PTPRR: variants seen among roughly 807,000 people sequenced by gnomAD.
PTPRR encodes protein tyrosine phosphatase receptor type R, also known as receptor-type tyrosine-protein phosphatase R.
Under a neutral mutation model 77.2 loss-of-function variants are expected in PTPRR, and 38 were observed. The observed-to-expected ratio is 0.49, with a 90% confidence interval of 0.38 to 0.65. PTPRR has a LOEUF of 0.65. Ranked by LOEUF, PTPRR falls within the 30% of genes least tolerant of loss-of-function variation. The pLI, the probability that PTPRR is intolerant of heterozygous loss-of-function variation, is 0.00. For synonymous variants in PTPRR, 299 were observed against 283.1 expected, an observed-to-expected ratio of 1.06 and a Z score of -0.57; for missense variants, 744 against 799.2, an observed-to-expected ratio of 0.93 and a Z score of 0.83.
At chr12:70,818,927 G>C (rs1424808224) in intron 2 of PTPRR, among the ~76,000 whole-genome samples, 1 of 152,046 alleles carries the variant, frequency 6.6e-6, no homozygotes, top group Non-Finnish European at 1.5e-5. Context: ...CTTGTAATTT[G>C]ATTAAATTCT....
At chr12:70,898,068 G>T (rs1246260505) in intron 1 of PTPRR, among the ~76,000 whole-genome samples, 1 of 151,576 alleles carries the variant, frequency 6.6e-6, no homozygotes, top group Non-Finnish European at 1.5e-5. Flanking sequence ...CTAGTTAATG[G>T]GTGCAGCACA....
intron 2 of PTPRR, among the ~76,000 whole-genome samples, chr12:70,801,075 G>A (rs937678018): frequency 5.9e-5 from 9 of 152,116 alleles, no homozygotes; most frequent in Admixed American, 5.9e-4. Context: ...ATAGTAGAAT[G>A]AGAGTTAAAT....
rs545825132 is a variant in PTPRR at position 70,766,177 on chromosome 12, G to A, written c.358-1399C>T. Among the ~76,000 whole-genome samples, 15 of 152,336 alleles carry A rather than the reference G, an allele frequency of 9.8e-5. No homozygotes were observed. The East Asian group carries it at 2.9e-3, about 29-fold the overall frequency. ...AAGCTGGACAGAGAATGACTTTGAC[G>A]AGTTGAGAGAAGAAGGCTTCAGACA... On this transcript the variant is annotated intron_variant, in intron 2 of 13. Coordinates refer to ENST00000283228, the MANE Select transcript of PTPRR (RefSeq NM_002849.4).
chr12:70,904,623 A>C (rs1893592826), intron 1 of PTPRR, among the ~76,000 whole-genome samples: 2 of 151,904 alleles, frequency 1.3e-5, no homozygotes, highest in Non-Finnish European at 2.9e-5. Flanking sequence ...TGATGACATG[A>C]ATCTATACAT....
At chr12:70,737,553 C>T (rs966460292) in intron 6 of PTPRR, among the ~76,000 whole-genome samples, 1 of 151,008 alleles carries the variant, frequency 6.6e-6, no homozygotes, top group Admixed American at 6.6e-5. Flanking sequence ...CAAAGTCTCG[C>T]TGTTTTGCCC....
chr12:70,884,332 G>A (rs1893199581), intron 2 of PTPRR, among the ~76,000 whole-genome samples: 2 of 152,018 alleles, frequency 1.3e-5, no homozygotes. Flanking sequence ...ATAGTAACAA[G>A]ATAGTAAGCA....
intron 10 of PTPRR, among the ~76,000 whole-genome samples, chr12:70,671,359 T>TG (rs1328995801): frequency 3.2e-4 from 48 of 152,280 alleles, no homozygotes; most frequent in African/African-American, 1.2e-3. Flanking sequence ...TTTGGGATTA[T>TG]GACTGGCTGT....
chr12:70,765,546 G>A (rs905102114), intron 2 of PTPRR, among the ~76,000 whole-genome samples: 1 of 152,198 alleles, frequency 6.6e-6, no homozygotes, highest in Non-Finnish European at 1.5e-5. Flanking sequence ...GCTCAAGGAG[G>A]CCTGCCTGCC....
At chr12:70,688,750 A>G (rs1358678993) in intron 8 of PTPRR, among the ~76,000 whole-genome samples, 1 of 152,216 alleles carries the variant, frequency 6.6e-6, no homozygotes, top group Non-Finnish European at 1.5e-5. Flanking sequence ...ATGTTCTTGC[A>G]GCACTATTTA....
chr12:70,907,751 G>A (rs1893643290), intron 1 of PTPRR, among the ~76,000 whole-genome samples: 2 of 152,148 alleles, frequency 1.3e-5, no homozygotes, highest in East Asian at 1.9e-4. Context: ...TGCCAGCTGA[G>A]GTATAGCAAT....
intron 2 of PTPRR, among the ~76,000 whole-genome samples, chr12:70,891,217 G>A (rs1893330311): frequency 1.3e-5 from 2 of 152,050 alleles, no homozygotes; most frequent in Non-Finnish European, 2.9e-5. Flanking sequence ...TTCCTCATTG[G>A]TGCCTTTTAT....
At chr12:70,728,284 G>T (rs1466180970) in intron 6 of PTPRR, among the ~76,000 whole-genome samples, 3 of 125,538 alleles carry the variant, frequency 2.4e-5, no homozygotes, top group Non-Finnish European at 4.8e-5. Context: ...AAGGGCCCAG[G>T]CCCCTTCTCT....
chr12:70,875,564 T>A (rs925887132), intron 2 of PTPRR, among the ~76,000 whole-genome samples: 3 of 151,550 alleles, frequency 2.0e-5, no homozygotes, highest in Non-Finnish European at 1.5e-5. Flanking sequence ...CAGAAGTTTA[T>A]CTACATATAA....
At chr12:70,875,250 C>T (rs7304450) in intron 2 of PTPRR, among the ~76,000 whole-genome samples, 9,352 of 152,046 alleles carry the variant, frequency 0.062, 400 homozygotes, top group African/African-American at 0.13. Context: ...TATTAGACCA[C>T]GTTTGTAGAA....
At chr12:70,694,419 T>C (rs1457611350) in intron 8 of PTPRR, among the ~76,000 whole-genome samples, 2 of 151,762 alleles carry the variant, frequency 1.3e-5, no homozygotes, top group Non-Finnish European at 2.9e-5. Context: ...CCATCAACAG[T>C]GGATTGGATA....
intron 2 of PTPRR, among the ~76,000 whole-genome samples, chr12:70,872,650 G>A (rs904943898): frequency 6.3e-5 from 8 of 127,156 alleles, no homozygotes; most frequent in African/African-American, 2.2e-4. Context: ...AGCCAAGATC[G>A]CACCACTGCA....
At chr12:70,663,006 G>A (rs1354206388) in intron 10 of PTPRR, among the ~76,000 whole-genome samples, 1 of 152,078 alleles carries the variant, frequency 6.6e-6, no homozygotes, top group Admixed American at 6.5e-5. Context: ...ATAAAAGAAT[G>A]TTTTCCCACA....
At chr12:70,774,958 G>A (rs1472406341) in intron 2 of PTPRR, among the ~76,000 whole-genome samples, 5 of 152,100 alleles carry the variant, frequency 3.3e-5, no homozygotes, top group Non-Finnish European at 7.3e-5. Flanking sequence ...CAGTAACAAG[G>A]CAACAGCTTT....
At chr12:70,858,768 G>C (rs73146165) in intron 2 of PTPRR, among the ~76,000 whole-genome samples, 5,656 of 151,936 alleles carry the variant, frequency 0.037, 141 homozygotes, top group Middle Eastern at 0.058. Context: ...CTTTATAAAG[G>C]CTACTCAATG....
Sources: allele counts gnomAD v4.1 joint callset (sites outside exome capture counted in the v4.1 genomes callset), GRCh38; gene constraint gnomAD v4.1.1; transcripts MANE v1.5; gene names NCBI Gene and HGNC (gene_info 2026-07-23, HGNC 2026-07-21).